The following OLFM3 variants were observed in gnomAD, a reference collection of about 807,000 sequenced individuals.
The protein encoded by OLFM3 is olfactomedin 3.
A neutral mutation model predicts 48.6 loss-of-function variants in OLFM3; 20 were observed. The ratio of observed to expected loss-of-function variants is 0.41; its 90% CI spans 0.29 to 0.60. OLFM3 has a LOEUF of 0.60. Among genes scored for constraint, OLFM3 ranks in the 20% least tolerant of loss-of-function variants. OLFM3 has a pLI of 0.28. For synonymous variants in OLFM3, 222 were observed against 198.1 expected, an observed-to-expected ratio of 1.12 and a Z score of -1.01; for missense variants, 437 against 544.3, an observed-to-expected ratio of 0.80 and a Z score of 1.96.
chr1:101,834,228 T>G lies in OLFM3; in HGVS notation c.216+2651A>C, dbSNP rs369671131. Among the ~76,000 whole-genome samples the G allele has an allele frequency of 1.4e-3, 217 of 152,276 alleles. 1 individual carries two copies. The highest frequency in any genetic ancestry group is 5.0e-3 in the African/African-American group (209 of 41,562). On this transcript the variant is annotated intron_variant, in intron 2 of 5. Transcript: ENST00000370103. ...CAAACGGATCTGTTAGAGCCACAAC[T>G]TACTGATTGAGTGACAATGGAAAGT... is the stretch of plus-strand genomic sequence containing the variant.
intron 1 of OLFM3, among the ~76,000 whole-genome samples, chr1:101,932,144 C>A (rs1659463718): frequency 6.6e-6 from 1 of 152,056 alleles, no homozygotes; most frequent in African/African-American, 2.4e-5. Flanking sequence ...ATACTATATT[C>A]TCTGTATTGA....
At chr1:101,882,158 T>C (rs998109318) in intron 1 of OLFM3, among the ~76,000 whole-genome samples, 1 of 151,134 alleles carries the variant, frequency 6.6e-6, no homozygotes, top group African/African-American at 2.4e-5. Context: ...CCATTGAGTA[T>C]AAGATGCGAC....
intron 1 of OLFM3, 21 bp downstream of exon 1, chr1:101,996,727 G>T: frequency 6.2e-7 from 1 of 1,611,992 alleles, no homozygotes; most frequent in South Asian, 1.1e-5. Context: ...TTTCAAACAA[G>T]ACTCAAAATA....
chr1:101,939,071 G>C (rs1007061139), intron 1 of OLFM3, among the ~76,000 whole-genome samples: 1 of 151,730 alleles, frequency 6.6e-6, no homozygotes, highest in Non-Finnish European at 1.5e-5. Context: ...TCCCTGCAAT[G>C]CTTAAAAAAA....
chr1:101,957,945 G>A (rs1174350851), intron 1 of OLFM3, among the ~76,000 whole-genome samples: 1 of 152,080 alleles, frequency 6.6e-6, no homozygotes, highest in Non-Finnish European at 1.5e-5. Context: ...GACAATCAGA[G>A]CAAAATGTGA....
intron 1 of OLFM3, among the ~76,000 whole-genome samples, chr1:101,955,948 C>T (rs1217672686): frequency 6.6e-6 from 1 of 151,854 alleles, no homozygotes; most frequent in Admixed American, 6.6e-5. Flanking sequence ...GCATCACCAT[C>T]CACCATCAAG....
At chr1:101,928,125 G>A (rs1054435714) in intron 1 of OLFM3, among the ~76,000 whole-genome samples, 4 of 152,136 alleles carry the variant, frequency 2.6e-5, no homozygotes, top group African/African-American at 7.2e-5. Flanking sequence ...AGAAGCTGCC[G>A]CAACTAATTT....
intron 1 of OLFM3, among the ~76,000 whole-genome samples, chr1:101,885,114 C>G (rs1312120152): frequency 2.0e-5 from 3 of 151,954 alleles, no homozygotes; most frequent in African/African-American, 7.2e-5. Flanking sequence ...AGATGTTGCA[C>G]ATGTCTTCAC....
chr1:101,821,799 C>G (rs1654618861), intron 4 of OLFM3, among the ~76,000 whole-genome samples: 1 of 152,036 alleles, frequency 6.6e-6, no homozygotes, highest in East Asian at 1.9e-4. Context: ...GCAACCATCT[C>G]ATTAAATAAG....
intron 1 of OLFM3, among the ~76,000 whole-genome samples, chr1:101,944,694 A>G (rs1310857763): frequency 1.3e-5 from 2 of 152,144 alleles, no homozygotes; most frequent in African/African-American, 4.8e-5. Flanking sequence ...AGGCTGGTCA[A>G]CATGGCGAAA....
intron 1 of OLFM3, among the ~76,000 whole-genome samples, chr1:101,990,493 C>T (rs886413446): frequency 2.2e-4 from 33 of 152,006 alleles, no homozygotes; most frequent in Admixed American, 1.6e-3. Flanking sequence ...ATTGTATAAG[C>T]TCCATTGCTG....
chr1:101,936,640 G>T (rs1390598292), intron 1 of OLFM3, among the ~76,000 whole-genome samples: 1 of 152,078 alleles, frequency 6.6e-6, no homozygotes, highest in Non-Finnish European at 1.5e-5. Flanking sequence ...AAAAGACCTT[G>T]AATACCCATG....
At chr1:101,840,783 C>T (rs773140610) in intron 1 of OLFM3, among the ~76,000 whole-genome samples, 4 of 152,148 alleles carry the variant, frequency 2.6e-5, no homozygotes, top group African/African-American at 7.2e-5. Context: ...TTTTAATACC[C>T]TTTCATACAT....
chr1:101,958,730 T>C (rs1660375661), intron 1 of OLFM3, among the ~76,000 whole-genome samples: 1 of 151,744 alleles, frequency 6.6e-6, no homozygotes, highest in Non-Finnish European at 1.5e-5. Flanking sequence ...TTTTTTCCTC[T>C]CAAATAGAGT....
chr1:101,973,894 A>C (rs569924454), intron 1 of OLFM3, among the ~76,000 whole-genome samples: 2 of 152,330 alleles, frequency 1.3e-5, no homozygotes, highest in African/African-American at 4.8e-5. Flanking sequence ...AAAAGAGCAG[A>C]GGAAAAATAA....
intron 1 of OLFM3, among the ~76,000 whole-genome samples, chr1:101,954,574 CAAT>C (rs1234933894): frequency 6.6e-6 from 1 of 151,982 alleles, no homozygotes; most frequent in Non-Finnish European, 1.5e-5. Flanking sequence ...CCTTGAGTGT[CAAT>C]AATAACTTTT....
intron 1 of OLFM3, among the ~76,000 whole-genome samples, chr1:101,935,810 G>A (rs996405333): frequency 2.0e-5 from 3 of 151,932 alleles, no homozygotes; most frequent in African/African-American, 7.3e-5. Context: ...TAGGATACAA[G>A]ATTAAACATA....
intron 4 of OLFM3, among the ~76,000 whole-genome samples, chr1:101,809,419 G>A (rs72985908): frequency 2.4e-4 from 37 of 152,042 alleles, no homozygotes; most frequent in African/African-American, 8.7e-4. Flanking sequence ...AGACAATGAT[G>A]AGGGCCTTTA....
intron 1 of OLFM3, among the ~76,000 whole-genome samples, chr1:101,932,051 T>G (rs1659460078): frequency 6.6e-6 from 1 of 152,192 alleles, no homozygotes; most frequent in Admixed American, 6.5e-5. Context: ...CTGGATTATT[T>G]TACTTAAGAT....
Sources: gnomAD v4.1 joint callset for allele counts (sites outside exome capture counted in the v4.1 genomes callset) on GRCh38, gnomAD v4.1.1 for gene constraint, MANE v1.5 for transcripts, NCBI Gene and HGNC (gene_info 2026-07-23, HGNC 2026-07-21) for gene names.